PRKG1: variants seen among roughly 807,000 people sequenced by gnomAD.
PRKG1 encodes cGMP-dependent protein kinase 1.
PRKG1 carries 35 observed loss-of-function variants against 88.1 expected under a neutral mutation model. The observed-to-expected ratio is 0.40, with a 90% CI of 0.30 to 0.53. The LOEUF (loss-of-function observed/expected upper bound fraction) is 0.53. PRKG1 is among the 20% of genes least tolerant of loss of function. PRKG1 has a pLI of 0.59. For synonymous variants in PRKG1, 303 were observed against 292.5 expected (o/e 1.04, Z -0.37); for missense variants, 540 against 839.8 (o/e 0.64, Z 4.41).
chr10:51,818,973 C>G (rs1839667548), intron 4 of PRKG1, among the ~76,000 whole-genome samples: 1 of 115,560 alleles, frequency 8.7e-6, no homozygotes, highest in Non-Finnish European at 1.6e-5. Flanking sequence ...CGCCACTGCA[C>G]TCCAGCCTGG....
At chr10:51,590,646 C>T (rs1378356580) in intron 3 of PRKG1, among the ~76,000 whole-genome samples, 1 of 152,124 alleles carries the variant, frequency 6.6e-6, no homozygotes, top group Admixed American at 6.6e-5. Flanking sequence ...TCAATTCTCC[C>T]CACTCTAATA....
At chr10:51,181,051 A>G (rs1401993416) in intron 2 of PRKG1, among the ~76,000 whole-genome samples, 1 of 152,012 alleles carries the variant, frequency 6.6e-6, no homozygotes, top group East Asian at 1.9e-4. Flanking sequence ...AGCATGTATT[A>G]CTGTTACACC....
chr10:51,456,540 G>A (rs560707637), intron 2 of PRKG1, among the ~76,000 whole-genome samples: 1 of 151,984 alleles, frequency 6.6e-6, no homozygotes, highest in South Asian at 2.1e-4. Flanking sequence ...CTTAGGCAAA[G>A]AATTCATGAC....
At chr10:51,092,400 C>A (rs1164160308) in intron 1 of PRKG1, among the ~76,000 whole-genome samples, 1 of 152,140 alleles carries the variant, frequency 6.6e-6, no homozygotes, top group Admixed American at 6.6e-5. Context: ...GTTCTTGTGC[C>A]ACTGAGGCTG....
intron 3 of PRKG1, among the ~76,000 whole-genome samples, chr10:51,781,356 T>C (rs1313260474): frequency 6.6e-6 from 1 of 152,100 alleles, no homozygotes; most frequent in Non-Finnish European, 1.5e-5. Flanking sequence ...AGCTTTCGTG[T>C]TATGTTGTCA....
At chr10:51,422,486 C>A (rs1369708640) in intron 2 of PRKG1, among the ~76,000 whole-genome samples, 1 of 152,194 alleles carries the variant, frequency 6.6e-6, no homozygotes, top group Non-Finnish European at 1.5e-5. Flanking sequence ...TCCTGCTAAG[C>A]ATGTCCCAAC....
chr10:51,964,134 G>A (rs1001524046), intron 5 of PRKG1, among the ~76,000 whole-genome samples: 102 of 152,240 alleles, frequency 6.7e-4, no homozygotes, highest in African/African-American at 1.7e-3. Flanking sequence ...TTCCGTTGTC[G>A]TGTATCCTTT....
At chr10:52,162,553 A>G (rs1203004463) in intron 9 of PRKG1, among the ~76,000 whole-genome samples, 1 of 152,102 alleles carries the variant, frequency 6.6e-6, no homozygotes, top group Non-Finnish European at 1.5e-5. Context: ...CCAGTAATCT[A>G]TATAATCCTC....
intron 5 of PRKG1, among the ~76,000 whole-genome samples, chr10:52,034,584 T>C (rs1410313087): frequency 1.3e-5 from 2 of 151,640 alleles, no homozygotes; most frequent in East Asian, 3.9e-4. Flanking sequence ...AGATTCAGCA[T>C]AGTCCTGCCA....
chr10:52,272,767 C>G (rs1388502460), intron 12 of PRKG1, among the ~76,000 whole-genome samples: 1 of 150,902 alleles, frequency 6.6e-6, no homozygotes, highest in Non-Finnish European at 1.5e-5. Context: ...TTAGAATTAG[C>G]TCTGTAGCTG....
intron 2 of PRKG1, among the ~76,000 whole-genome samples, chr10:51,251,016 C>A (rs180912128): frequency 1.3e-5 from 2 of 151,742 alleles, no homozygotes; most frequent in African/African-American, 2.4e-5. Flanking sequence ...ACTCTACAGA[C>A]AGATTTTACT....
intron 2 of PRKG1, among the ~76,000 whole-genome samples, chr10:51,333,390 G>T (rs1841789891): frequency 6.6e-6 from 1 of 152,232 alleles, no homozygotes; most frequent in African/African-American, 2.4e-5. Flanking sequence ...ATATAACTAT[G>T]AGGAAGATAC....
intron 2 of PRKG1, among the ~76,000 whole-genome samples, chr10:51,353,564 G>C (rs1842299480): frequency 1.3e-5 from 2 of 152,172 alleles, no homozygotes; most frequent in South Asian, 4.1e-4. Flanking sequence ...CAACATCACT[G>C]ATCATCAGAG....
At chr10:51,989,271 C>G (rs538384133) in intron 5 of PRKG1, among the ~76,000 whole-genome samples, 1 of 151,970 alleles carries the variant, frequency 6.6e-6, no homozygotes, top group African/African-American at 2.4e-5. Context: ...GTCTTAAATC[C>G]ATTTTAAAGA....
chr10:51,414,594 A>G (rs370754160), intron 2 of PRKG1, among the ~76,000 whole-genome samples: 8 of 152,222 alleles, frequency 5.3e-5, no homozygotes, highest in African/African-American at 1.9e-4. Context: ...AGCTCGTGGT[A>G]ACAATATGCC....
At position 51,365,889 on chromosome 10, in the gene PRKG1, CT is replaced by C. The variant is rs904067445; in HGVS notation, c.479-101826del. 8.0e-4 allele frequency among the ~76,000 whole-genome samples: 120 copies of C among 150,150 alleles called. 2 individuals carry two copies. Among genetic ancestry groups the C allele is most frequent in the Admixed American group, 7.2e-3 (108 of 15,012 alleles). On this transcript the variant is annotated intron_variant, in intron 2 of 17. Coordinates refer to ENST00000373980, the MANE Select transcript of PRKG1 (RefSeq NM_006258.4). ...CAAGCTGCATAGCTTTGTACTAAAT[CT>C]TTTTTTTCCTCTCCATCACTATACG...
chr10:51,510,371 T>C (rs1841358554), intron 3 of PRKG1, among the ~76,000 whole-genome samples: 1 of 152,152 alleles, frequency 6.6e-6, no homozygotes, highest in Non-Finnish European at 1.5e-5. Flanking sequence ...TTAGCAAATT[T>C]CAAAATACAA....
rs756748643 is a variant in PRKG1, at chr10:52,290,207, GT to G, written c.1896-11del. The G allele has an allele frequency of 3.7e-5, 60 of 1,609,706 alleles. No individual in the cohort carries two copies. Among genetic ancestry groups the G allele is most frequent in the Non-Finnish European group, 5.0e-5 (59 of 1,177,372 alleles). On this transcript the variant is annotated splice_polypyrimidine_tract_variant and intron_variant, in intron 16 of 17. Transcript: ENST00000373980. ...GCTGACACAAAATGTTTTTATCAAC[GT>G]TTTTTCCTTTTCTAGATGGTTTGAG... is the stretch of plus-strand genomic sequence containing the variant.
chr10:51,261,940 A>G (rs2132160763), intron 2 of PRKG1, among the ~76,000 whole-genome samples: 1 of 138,498 alleles, frequency 7.2e-6, no homozygotes, highest in South Asian at 2.2e-4. Flanking sequence ...GCTGGAATGC[A>G]GTGGTGCAAT....
Sources: gnomAD v4.1 joint callset for allele counts (sites outside exome capture counted in the v4.1 genomes callset) on GRCh38, gnomAD v4.1.1 for gene constraint, MANE v1.5 for transcripts, NCBI Gene and HGNC (gene_info 2026-07-23, HGNC 2026-07-21) for gene names.